IGFL2: variants seen among roughly 807,000 people sequenced by gnomAD.
The protein encoded by IGFL2 is IGF like family member 2.
In IGFL2, 7 loss-of-function variants were observed where a neutral mutation model predicts 13.9. That is an observed-to-expected ratio of 0.51 (90% CI 0.29 to 0.95). The LOEUF is 0.95. IGFL2 is among the 40% of genes least tolerant of loss of function. The pLI is 0.08. For missense variants in IGFL2, 138 were observed against 147.8 expected (o/e 0.93, Z 0.34); for synonymous variants, 55 against 55.8 (o/e 0.99, Z 0.07).
intron 1 of IGFL2, among the ~76,000 whole-genome samples, chr19:46,157,539 C>T (rs112635501): frequency 0.015 from 2,259 of 152,276 alleles, 37 homozygotes; most frequent in South Asian, 0.027. Context: ...GACATGATCA[C>T]ATCAATTGAT....
the IGFL2 span, among the ~76,000 whole-genome samples, chr19:46,177,593 A>G: frequency 1.3e-5 from 2 of 152,280 alleles, no homozygotes; most frequent in South Asian, 2.1e-4. Flanking sequence ...ACATGGTCCA[A>G]GGTAGTCAAG....
At chr19:46,203,785 C>T in the IGFL2 span, 2 of 152,240 alleles carry the variant, frequency 1.3e-5, no homozygotes, top group African/African-American at 4.8e-5. Context: ...GGTGCAATCT[C>T]GACTCACTGT....
intron 1 of IGFL2, chr19:46,159,276 G>A (rs1295248729): frequency 6.6e-6 from 1 of 152,172 alleles, no homozygotes; most frequent in East Asian, 1.9e-4. Context: ...CAGTGCCTGG[G>A]AAATATAGAA....
the IGFL2 span, among the ~76,000 whole-genome samples, chr19:46,193,780 G>A: frequency 2.6e-5 from 4 of 152,068 alleles, no homozygotes; most frequent in Admixed American, 1.3e-4. Flanking sequence ...GTCTCCCTTC[G>A]ATGTAATGAT....
the IGFL2 span, chr19:46,112,980 T>G: frequency 1.1e-4 from 16 of 152,370 alleles, no homozygotes; most frequent in African/African-American, 3.8e-4. Context: ...CAAATGGAAT[T>G]TTCTTGGAGA....
chr19:46,157,795 G>GA (rs761847225), intron 1 of IGFL2, among the ~76,000 whole-genome samples: 1 of 151,866 alleles, frequency 6.6e-6, no homozygotes, highest in Non-Finnish European at 1.5e-5. Flanking sequence ...ATAAGTCAAG[G>GA]AAAAAAAGAA....
intron 1 of IGFL2, among the ~76,000 whole-genome samples, chr19:46,158,018 TAAC>T (rs895254181): frequency 2.0e-5 from 3 of 152,200 alleles, no homozygotes; most frequent in Non-Finnish European, 2.9e-5. Context: ...TTGAAATTAA[TAAC>T]AAAATAGCAC....
chr19:46,141,044 T>C (rs1446162426), upstream of IGFL2, among the ~76,000 whole-genome samples: 2 of 152,320 alleles, frequency 1.3e-5, no homozygotes, highest in Non-Finnish European at 2.9e-5. Context: ...ATCTAAATTA[T>C]TAGGGTTTTA....
the IGFL2 span, chr19:46,124,632 G>A: frequency 6.2e-7 from 1 of 1,609,078 alleles, no homozygotes; most frequent in South Asian, 1.1e-5. Context: ...TGCCCAAGAT[G>A]CAGCATCGTG....
the IGFL2 span, among the ~76,000 whole-genome samples, chr19:46,215,130 A>G: frequency 2.0e-5 from 3 of 152,176 alleles, no homozygotes; most frequent in Non-Finnish European, 2.9e-5. Context: ...CACTTGATTA[A>G]AAATTTCCTT....
At chr19:46,080,570 G>A in the IGFL2 span, among the ~76,000 whole-genome samples, 2 of 152,174 alleles carry the variant, frequency 1.3e-5, no homozygotes, top group Admixed American at 1.3e-4. Flanking sequence ...TTGTATCTGT[G>A]TAAATCATGA....
At chr19:46,093,089 A>G in the IGFL2 span, among the ~76,000 whole-genome samples, 1 of 152,216 alleles carries the variant, frequency 6.6e-6, no homozygotes, top group Non-Finnish European at 1.5e-5. Context: ...AATAACAACT[A>G]AATATTTAGT....
At chr19:46,184,451 A>G in the IGFL2 span, among the ~76,000 whole-genome samples, 37 of 151,806 alleles carry the variant, frequency 2.4e-4, no homozygotes, top group African/African-American at 8.5e-4. Flanking sequence ...CCGGTGTGTG[A>G]TGTTCCCCTC....
chr19:46,150,218 GTTAT>G (rs964095378), intron 1 of IGFL2, among the ~76,000 whole-genome samples: 31 of 151,880 alleles, frequency 2.0e-4, no homozygotes, highest in African/African-American at 7.3e-4. Flanking sequence ...TTTAAATTGG[GTTAT>G]TTATTTTATT....
At chr19:46,178,539 T>G in the IGFL2 span, among the ~76,000 whole-genome samples, 1 of 152,214 alleles carries the variant, frequency 6.6e-6, no homozygotes, top group Admixed American at 6.5e-5. Flanking sequence ...AGAGATTAAA[T>G]GAGAGTCTGA....
chr19:46,147,591 T>C (rs1973205968), upstream of IGFL2, among the ~76,000 whole-genome samples: 1 of 152,206 alleles, frequency 6.6e-6, no homozygotes, highest in East Asian at 1.9e-4. Flanking sequence ...CAGCAACCAA[T>C]AGGCGACGTC....
the IGFL2 span, among the ~76,000 whole-genome samples, chr19:46,168,715 T>G: frequency 6.6e-6 from 1 of 152,190 alleles, no homozygotes; most frequent in African/African-American, 2.4e-5. Flanking sequence ...CTAAGCAGAG[T>G]GTGCATTCAG....
chr19:46,149,150 C>T (rs946285890), intron 1 of IGFL2: 8 of 217,698 alleles, frequency 3.7e-5, no homozygotes, highest in African/African-American at 1.3e-4. Context: ...CTCTCTCTCT[C>T]CCTCTCTCTC....
At chr19:46,112,511 C>T in the IGFL2 span, among the ~76,000 whole-genome samples, 8 of 152,182 alleles carry the variant, frequency 5.3e-5, no homozygotes, top group Non-Finnish European at 1.2e-4. Context: ...GATACCAGAA[C>T]TGTTCCATCC....
Sources: allele counts gnomAD v4.1 joint callset (sites outside exome capture counted in the v4.1 genomes callset), GRCh38; gene constraint gnomAD v4.1.1; transcripts MANE v1.5; gene names NCBI Gene and HGNC (gene_info 2026-07-23, HGNC 2026-07-21).